The following PIK3R5 variants were observed in gnomAD, a reference collection of about 807,000 sequenced individuals.
PIK3R5 encodes phosphoinositide 3-kinase regulatory subunit 5.
Under a neutral mutation model 94.9 loss-of-function variants are expected in PIK3R5, and 32 were observed. That is an observed-to-expected ratio of 0.34 (90% CI 0.25 to 0.45). PIK3R5 has a LOEUF of 0.45. PIK3R5 is among the 20% of genes least tolerant of loss of function. The pLI, the probability that PIK3R5 is intolerant of heterozygous loss-of-function variation, is 1.00. For missense variants in PIK3R5, 853 were observed against 1,144.6 expected, an observed-to-expected ratio of 0.75 and a Z score of 3.68; for synonymous variants, 443 against 479.4, an observed-to-expected ratio of 0.92 and a Z score of 0.99.
chr17:8,948,140 A>T (rs1454754533), intron 1 of PIK3R5, among the ~76,000 whole-genome samples: 2 of 152,116 alleles, frequency 1.3e-5, no homozygotes. Context: ...TCAGAGTCCA[A>T]ACCAGAAGAA....
chr17:8,887,377 C>A, intron 11 of PIK3R5, 144 bp downstream of exon 11: 1 of 1,328,592 alleles, frequency 7.5e-7, no homozygotes, highest in South Asian at 1.4e-5. Flanking sequence ...GGCAAAATGT[C>A]ATGTCCAAGT....
At chr17:8,952,191 A>G (rs966521685) in intron 1 of PIK3R5, among the ~76,000 whole-genome samples, 1 of 152,234 alleles carries the variant, frequency 6.6e-6, no homozygotes, top group Non-Finnish European at 1.5e-5. Flanking sequence ...GCTACCTGAG[A>G]CAGAAATAAA....
Position 8,892,244 on chromosome 17 carries a change from C to T in PIK3R5, c.483-1332G>A, listed in dbSNP as rs2090046172. On this transcript the variant is annotated intron_variant, in intron 6 of 18. Coordinates refer to ENST00000447110, the MANE Select transcript of PIK3R5 (RefSeq NM_001142633.3). This position sits in a 1 kb window ranked among gnomAD's most constrained non-coding sequence, Gnocchi z 4.3. ...CAGGACTAGTCTCTGTCAAAGTCCC[C>T]ATCATTTGGGAAGAAACTCACTTTG... Among the ~76,000 whole-genome samples the T allele has an allele frequency of 6.6e-6, 1 of 152,184 alleles. No individual in the cohort carries two copies. The highest frequency in any genetic ancestry group is 1.9e-4 in the East Asian group (1 of 5,168).
intron 1 of PIK3R5, among the ~76,000 whole-genome samples, chr17:8,943,323 C>T (rs2091219508): frequency 1.3e-5 from 2 of 152,092 alleles, no homozygotes; most frequent in Admixed American, 1.3e-4. Flanking sequence ...CTCCTGGCCT[C>T]AAGCAATCCT....
Position 8,889,076 on chromosome 17 carries a change from A to G in PIK3R5, c.895+63T>C. 2 of 1,557,446 alleles carry G rather than the reference A, an allele frequency of 1.3e-6. No homozygotes were observed. Among genetic ancestry groups the G allele is most frequent in the Non-Finnish European group, 1.8e-6 (2 of 1,142,526 alleles). On this transcript the variant is annotated intron_variant, in intron 9 of 18. Transcript: ENST00000447110. This position sits in a 1 kb window ranked among gnomAD's most constrained non-coding sequence, Gnocchi z 4.1. Reference sequence around the variant, plus strand: ...GACGGGGTGGGAGCTGCATGGACCCAGGACCAGAAACACAGCTCAGGCAGT... The same window carrying G: ...GACGGGGTGGGAGCTGCATGGACCCGGGACCAGAAACACAGCTCAGGCAGT...
intron 1 of PIK3R5, among the ~76,000 whole-genome samples, chr17:8,938,908 T>C (rs1032060756): frequency 2.6e-5 from 4 of 152,232 alleles, no homozygotes; most frequent in African/African-American, 9.6e-5. Flanking sequence ...TATCCAGGTA[T>C]GACCCAAGTT....
At chr17:8,927,454 C>T (rs1013722096) in intron 1 of PIK3R5, among the ~76,000 whole-genome samples, 1 of 152,188 alleles carries the variant, frequency 6.6e-6, no homozygotes, top group Non-Finnish European at 1.5e-5. Flanking sequence ...AATTAGCCCC[C>T]TCCCACTCCA....
chr17:8,947,534 A>G (rs2091296034), intron 1 of PIK3R5, among the ~76,000 whole-genome samples: 2 of 152,230 alleles, frequency 1.3e-5, no homozygotes, highest in South Asian at 4.2e-4. Context: ...CAACAACAAC[A>G]AGAGGCTGGA....
At chr17:8,885,164 C>T in intron 14 of PIK3R5, 1 of 257,138 alleles carries the variant, frequency 3.9e-6, no homozygotes, top group Non-Finnish European at 7.7e-6. Context: ...AACCCTGCCT[C>T]CCCAGGGCCC....
At chr17:8,938,138 T>C (rs1305148236) in intron 1 of PIK3R5, among the ~76,000 whole-genome samples, 1 of 152,184 alleles carries the variant, frequency 6.6e-6, no homozygotes, top group Non-Finnish European at 1.5e-5. Flanking sequence ...TTGGTAGAAT[T>C]CACCAGTGAA....
In PIK3R5 at chr17:8,884,569, C is replaced by T. The variant is rs1207500415; in HGVS notation, c.2205+138G>A. 1.0e-5 allele frequency: 7 copies of T among 666,704 alleles called. No homozygotes were observed. Among genetic ancestry groups the T allele is most frequent in the Non-Finnish European group, 1.6e-5 (6 of 371,062 alleles). The allele number at this position is 666,704 out of a possible 1,614,324, so 41.3% of individuals were successfully genotyped here. A position where few individuals can be genotyped will look rare whatever the true frequency, so the allele number is the denominator to read the frequency against. ...TTCCCTTCTCTGCTTCTCTCAGCAT[C>T]CAGGGGAGCCTGCTGCAGCCTTCCA... On this transcript the variant is annotated intron_variant, in intron 15 of 18. Coordinates refer to ENST00000447110, the MANE Select transcript of PIK3R5 (RefSeq NM_001142633.3). The surrounding 1 kb of genome is among the most constrained non-coding windows in gnomAD (Gnocchi z 5.8).
At chr17:8,921,662 C>A (rs1039985694) in intron 1 of PIK3R5, among the ~76,000 whole-genome samples, 1 of 151,882 alleles carries the variant, frequency 6.6e-6, no homozygotes, top group Admixed American at 6.6e-5. Flanking sequence ...TTTTTAAAAA[C>A]TTTAAAAATA....
chr17:8,885,054 G>C, intron 14 of PIK3R5: 2 of 460,874 alleles, frequency 4.3e-6, no homozygotes, highest in South Asian at 4.4e-5. Flanking sequence ...CATCTCCGCT[G>C]TGATCACACC....
chr17:8,884,360 C>T lies in PIK3R5; in HGVS notation c.2205+347G>A, dbSNP rs1405414661. Among the ~76,000 whole-genome samples, 1 of 152,106 alleles carries T rather than the reference C, an allele frequency of 6.6e-6. No individual in the cohort carries two copies. The highest frequency in any genetic ancestry group is 1.5e-5 in the Non-Finnish European group (1 of 68,004). On this transcript the variant is annotated intron_variant, in intron 15 of 18. Coordinates refer to ENST00000447110, the MANE Select transcript of PIK3R5 (RefSeq NM_001142633.3). This position sits in a 1 kb window ranked among gnomAD's most constrained non-coding sequence, Gnocchi z 5.8. ...CAGCCTGCCAGGCACACTGGCCCCCCGAGACCCTGGCTTCTCCCTGAGGTG... is the reference window on the plus strand; with the variant it reads ...CAGCCTGCCAGGCACACTGGCCCCCTGAGACCCTGGCTTCTCCCTGAGGTG...
chr17:8,943,945 A>T (rs927263560), intron 1 of PIK3R5, among the ~76,000 whole-genome samples: 1 of 150,570 alleles, frequency 6.6e-6, no homozygotes, highest in Non-Finnish European at 1.5e-5. Flanking sequence ...GTTATGGTAA[A>T]CTCGTGTCAC....
chr17:8,880,462 C>T lies in PIK3R5; in HGVS notation c.*177G>A. 1 of 576,524 alleles carries T rather than the reference C, an allele frequency of 1.7e-6. No homozygotes were observed. The highest frequency in any genetic ancestry group is 2.9e-6 in the Non-Finnish European group (1 of 344,808). 35.7% of individuals were successfully genotyped at this position (576,524 alleles called of 1,614,324 possible). A position where few individuals can be genotyped will look rare whatever the true frequency, so the allele number is the denominator to read the frequency against. On this transcript the variant is annotated 3_prime_UTR_variant, in exon 19 of 19. Coordinates refer to ENST00000447110, the MANE Select transcript of PIK3R5 (RefSeq NM_001142633.3). ...TTCTCTCTCTGATAGCTGTTGCTTT[C>T]CCAGAACCCTGAGGCCCCAGAAACC... is the stretch of plus-strand genomic sequence containing the variant.
At chr17:8,907,642 AAG>A (rs910428599) in intron 3 of PIK3R5, among the ~76,000 whole-genome samples, 10 of 150,822 alleles carry the variant, frequency 6.6e-5, no homozygotes, top group South Asian at 6.3e-4. Context: ...AAAAAAAAAA[AAG>A]AGAGAGAGAG....
In PIK3R5 at chr17:8,920,376, T is replaced by C. The variant is rs568079973; in HGVS notation, c.-13-8869A>G. Among the ~76,000 whole-genome samples the C allele has an allele frequency of 8.5e-5, 13 of 152,308 alleles. No homozygotes were observed. The South Asian group carries it at 2.5e-3, about 29-fold the overall frequency. Reference sequence around the variant, plus strand: ...GACTGGGAAGGCACCTTAGGTACCATTTAGTACAACATTCCCACTCTACAG... The same window carrying C: ...GACTGGGAAGGCACCTTAGGTACCACTTAGTACAACATTCCCACTCTACAG... On this transcript the variant is annotated intron_variant, in intron 1 of 18. Coordinates refer to ENST00000447110, the MANE Select transcript of PIK3R5 (RefSeq NM_001142633.3).
Position 8,890,627 on chromosome 17 carries a change from G to A in PIK3R5, c.657+111C>T. 1.1e-6 allele frequency: 1 copy of A among 951,908 alleles called. No homozygotes were observed. Among genetic ancestry groups the A allele is most frequent in the Non-Finnish European group, 1.5e-6 (1 of 652,292 alleles). 59.0% of individuals were successfully genotyped at this position (951,908 alleles called of 1,614,324 possible). ...CAGCCACCACCCTGCCATGTCACCTGGGTGCAGGAGACTAAGTGTACCCTG... is the reference window on the plus strand; with the variant it reads ...CAGCCACCACCCTGCCATGTCACCTAGGTGCAGGAGACTAAGTGTACCCTG... On this transcript the variant is annotated intron_variant, in intron 7 of 18. Transcript: ENST00000447110. The surrounding 1 kb of genome is among the most constrained non-coding windows in gnomAD (Gnocchi z 6.1).
Sources: allele counts gnomAD v4.1 joint callset (sites outside exome capture counted in the v4.1 genomes callset), GRCh38; gene constraint gnomAD v4.1.1; non-coding constraint Gnocchi (gnomAD v3.1); transcripts MANE v1.5; gene names NCBI Gene and HGNC (gene_info 2026-07-23, HGNC 2026-07-21).